The following UNC5D variants were observed in gnomAD, a reference collection of about 807,000 sequenced individuals.
The protein encoded by UNC5D is unc-5 netrin receptor D, also known as netrin receptor UNC5D.
UNC5D carries 39 observed loss-of-function variants against 105.4 expected under a neutral mutation model. The observed-to-expected ratio is 0.37, with a 90% CI of 0.29 to 0.48. The LOEUF is 0.48. Among genes scored for constraint, UNC5D ranks in the 20% least tolerant of loss-of-function variants. The pLI is 0.98. For synonymous variants in UNC5D, 452 were observed against 450.4 expected (o/e 1.00, Z -0.04); for missense variants, 991 against 1,202.4 (o/e 0.82, Z 2.60).
chr8:35,646,646 G>A (rs974475091), intron 4 of UNC5D, among the ~76,000 whole-genome samples: 1 of 151,948 alleles, frequency 6.6e-6, no homozygotes, highest in Non-Finnish European at 1.5e-5. Context: ...CCAGACACGG[G>A]TATATATAAA....
intron 4 of UNC5D, among the ~76,000 whole-genome samples, chr8:35,663,349 A>G (rs1157215009): frequency 6.6e-6 from 1 of 152,164 alleles, no homozygotes; most frequent in Non-Finnish European, 1.5e-5. Flanking sequence ...AATTCAGGGT[A>G]CTCTAGAAAA....
intron 1 of UNC5D, among the ~76,000 whole-genome samples, chr8:35,463,898 T>A (rs78494393): frequency 0.02 from 3,097 of 152,316 alleles, 112 homozygotes; most frequent in African/African-American, 0.071. Flanking sequence ...CCATTTGCTT[T>A]TTTAGCTAAA....
intron 1 of UNC5D, among the ~76,000 whole-genome samples, chr8:35,417,638 C>A (rs2128962910): frequency 6.6e-6 from 1 of 152,158 alleles, no homozygotes; most frequent in Non-Finnish European, 1.5e-5. Flanking sequence ...TTTAATGACA[C>A]AAGTCTAGGT....
At chr8:35,412,406 C>A (rs1181653519) in intron 1 of UNC5D, among the ~76,000 whole-genome samples, 1 of 151,766 alleles carries the variant, frequency 6.6e-6, no homozygotes, top group East Asian at 1.9e-4. Context: ...GAGGTGTTCC[C>A]TTGGGCTAAG....
At chr8:35,704,755 G>A (rs1827439726) in intron 7 of UNC5D, among the ~76,000 whole-genome samples, 1 of 152,144 alleles carries the variant, frequency 6.6e-6, no homozygotes, top group African/African-American at 2.4e-5. Context: ...GTGTGAGCCT[G>A]AGATGGACGA....
chr8:35,790,891 A>T lies in UNC5D; in HGVS notation c.*328A>T, dbSNP rs187239324. ...CTATGATAATGCTGGGAAGGCAGAG[A>T]TTGATTAAGTGCATGCTTTGAAATA... is the stretch of plus-strand genomic sequence containing the variant. On this transcript the variant is annotated 3_prime_UTR_variant, in exon 17 of 17. Transcript: ENST00000404895. The T allele has an allele frequency of 1.7e-3, 576 of 346,634 alleles. 4 individuals are homozygous for T. The highest frequency in any genetic ancestry group is 5.4e-3 in the South Asian group (138 of 25,628). 21.5% of individuals were successfully genotyped at this position (346,634 alleles called of 1,614,324 possible).
chr8:35,555,739 T>C (rs1000108729), intron 2 of UNC5D, among the ~76,000 whole-genome samples: 1 of 150,930 alleles, frequency 6.6e-6, no homozygotes, highest in African/African-American at 2.4e-5. Flanking sequence ...GGCAGGAGAA[T>C]CACTTGAACC....
At chr8:35,349,143 A>G (rs1369700694) in intron 1 of UNC5D, among the ~76,000 whole-genome samples, 1 of 151,916 alleles carries the variant, frequency 6.6e-6, no homozygotes, top group Non-Finnish European at 1.5e-5. Context: ...TGGCCCCACA[A>G]GTATACTTGA....
intron 4 of UNC5D, among the ~76,000 whole-genome samples, chr8:35,677,950 G>A (rs13252752): frequency 1.3e-5 from 2 of 150,890 alleles, no homozygotes; most frequent in Admixed American, 1.3e-4. Context: ...GTGTGTATGT[G>A]TATATATATA....
At chr8:35,696,139 A>G (rs1212696772) in intron 7 of UNC5D, among the ~76,000 whole-genome samples, 1 of 152,222 alleles carries the variant, frequency 6.6e-6, no homozygotes, top group Non-Finnish European at 1.5e-5. Context: ...ACTAGACTGT[A>G]TAGCAATTTA....
intron 1 of UNC5D, among the ~76,000 whole-genome samples, chr8:35,332,313 T>G (rs1189024601): frequency 6.6e-6 from 1 of 152,208 alleles, no homozygotes; most frequent in East Asian, 1.9e-4. Context: ...ATGGGTTTAT[T>G]AAAAGCTCAC....
At chr8:35,287,431 CAAAT>C (rs1806682245) in intron 1 of UNC5D, among the ~76,000 whole-genome samples, 1 of 151,820 alleles carries the variant, frequency 6.6e-6, no homozygotes, top group Non-Finnish European at 1.5e-5. Flanking sequence ...ATGGAAGAAA[CAAAT>C]AAAAAAATCA....
chr8:35,326,944 AG>A (rs1196465287), intron 1 of UNC5D, among the ~76,000 whole-genome samples: 3 of 152,180 alleles, frequency 2.0e-5, no homozygotes, highest in African/African-American at 7.2e-5. Context: ...TCAATCCCTG[AG>A]GTAACATCAT....
chr8:35,554,132 G>T (rs1816363345), intron 2 of UNC5D, among the ~76,000 whole-genome samples: 2 of 152,140 alleles, frequency 1.3e-5, no homozygotes, highest in South Asian at 4.1e-4. Flanking sequence ...AGAATCTTTC[G>T]TGTTCCTAAA....
chr8:35,514,089 A>T (rs987210399), intron 1 of UNC5D, among the ~76,000 whole-genome samples: 1 of 152,194 alleles, frequency 6.6e-6, no homozygotes, highest in Non-Finnish European at 1.5e-5. Context: ...AAGTTGTTGA[A>T]TGTGGCATTT....
chr8:35,369,156 G>T (rs148174545), intron 1 of UNC5D, among the ~76,000 whole-genome samples: 7 of 152,150 alleles, frequency 4.6e-5, no homozygotes, highest in Non-Finnish European at 4.4e-5. Context: ...GAGAAACAGT[G>T]TTGGTGGTGA....
intron 1 of UNC5D, among the ~76,000 whole-genome samples, chr8:35,547,123 C>T (rs914782886): frequency 2.0e-5 from 3 of 151,988 alleles, no homozygotes; most frequent in Admixed American, 6.6e-5. Flanking sequence ...TAATTTGTTC[C>T]AGTGGCAAAC....
chr8:35,266,180 A>T (rs1004572397), intron 1 of UNC5D, among the ~76,000 whole-genome samples: 2 of 152,160 alleles, frequency 1.3e-5, no homozygotes, highest in Non-Finnish European at 2.9e-5. Flanking sequence ...ATTTGATGAT[A>T]AATGTTTGGG....
chr8:35,334,518 A>ATTT (rs34040496), intron 1 of UNC5D, among the ~76,000 whole-genome samples: 1 of 148,334 alleles, frequency 6.7e-6, no homozygotes, highest in African/African-American at 2.5e-5. Flanking sequence ...ACTTTTATTT[A>ATTT]TTTTTTTTTT....
Sources: allele counts gnomAD v4.1 joint callset (sites outside exome capture counted in the v4.1 genomes callset), GRCh38; gene constraint gnomAD v4.1.1; transcripts MANE v1.5; gene names NCBI Gene and HGNC (gene_info 2026-07-23, HGNC 2026-07-21).